CCSER1: variants seen among roughly 807,000 people sequenced by gnomAD.
CCSER1 encodes the protein serine-rich coiled-coil domain-containing protein 1.
In CCSER1, 41 loss-of-function variants were observed where a neutral mutation model predicts 82.0. The ratio of observed to expected loss-of-function variants is 0.50; its 90% CI spans 0.39 to 0.65. The LOEUF is 0.65. Ranked by LOEUF, CCSER1 falls within the 30% of genes least tolerant of loss-of-function variation. CCSER1 has a pLI of 0.00. For synonymous variants in CCSER1, 414 were observed against 383.9 expected (o/e 1.08, Z -0.92); for missense variants, 1,119 against 1,064.2 (o/e 1.05, Z -0.72).
In CCSER1 at chr4:90,777,248, T is replaced by C. The variant is rs35847493; in HGVS notation, c.2011-38514T>C. Among the ~76,000 whole-genome samples the C allele has an allele frequency of 1.2e-3, 170 of 146,710 alleles. 1 individual carries two copies. Among genetic ancestry groups the C allele is most frequent in the Non-Finnish European group, 2.1e-3 (143 of 67,472 alleles). The stretch of plus-strand genomic sequence containing the variant: ...GGTGGGCGCCTGTAATCCCAGCTAC[T>C]TGGGGGGCTGAGGCAGGAGAATCGC... On this transcript the variant is annotated intron_variant, in intron 7 of 10. Transcript: ENST00000509176.
chr4:91,523,573 G>T (rs1478423538), intron 10 of CCSER1, among the ~76,000 whole-genome samples: 8 of 152,048 alleles, frequency 5.3e-5, no homozygotes, highest in Admixed American at 5.2e-4. Flanking sequence ...GTCTATTCAA[G>T]GATGCAACTT....
chr4:90,596,467 C>G (rs1553955160), intron 5 of CCSER1, among the ~76,000 whole-genome samples: 1 of 151,698 alleles, frequency 6.6e-6, no homozygotes, highest in Non-Finnish European at 1.5e-5. Flanking sequence ...GGCATTTAAG[C>G]TTATTTCTAT....
At chr4:91,122,482 CA>C (rs1727170912) in intron 10 of CCSER1, among the ~76,000 whole-genome samples, 2 of 151,552 alleles carry the variant, frequency 1.3e-5, no homozygotes, top group Admixed American at 1.3e-4. Flanking sequence ...AAACTATATG[CA>C]AATATCAAAC....
chr4:90,673,977 A>C (rs1733307134), intron 6 of CCSER1, among the ~76,000 whole-genome samples: 1 of 151,956 alleles, frequency 6.6e-6, no homozygotes, highest in Admixed American at 6.6e-5. Context: ...TTTTTGAGTT[A>C]GGTCCTACCT....
At chr4:90,648,128 G>A (rs1275125163) in intron 6 of CCSER1, among the ~76,000 whole-genome samples, 2 of 151,772 alleles carry the variant, frequency 1.3e-5, no homozygotes, top group Non-Finnish European at 2.9e-5. Context: ...GCTCCTTACC[G>A]TAGTTATAGA....
intron 5 of CCSER1, among the ~76,000 whole-genome samples, chr4:90,592,185 G>C (rs1305897728): frequency 2.0e-5 from 3 of 151,946 alleles, no homozygotes; most frequent in Non-Finnish European, 4.4e-5. Context: ...ATATATCCCA[G>C]TATTTAAAGT....
intron 7 of CCSER1, among the ~76,000 whole-genome samples, chr4:90,795,179 C>A (rs112631850): frequency 1.1e-4 from 16 of 151,138 alleles, no homozygotes; most frequent in African/African-American, 3.6e-4. Context: ...CCCAACTACT[C>A]GGGAGACTGA....
At chr4:91,133,997 G>T (rs1728235196) in intron 10 of CCSER1, among the ~76,000 whole-genome samples, 1 of 152,170 alleles carries the variant, frequency 6.6e-6, no homozygotes. Flanking sequence ...TACTCTGGAG[G>T]CTGGGGCAGA....
chr4:91,195,890 A>AGCAGAGATTG, intron 10 of CCSER1, among the ~76,000 whole-genome samples: 24 of 151,416 alleles, frequency 1.6e-4, no homozygotes, highest in African/African-American at 5.3e-4. Context: ...ACTCTTCATG[A>AGCAGAGATTG]CTCCACCTTG....
intron 1 of CCSER1, among the ~76,000 whole-genome samples, chr4:90,296,919 G>A (rs1038056201): frequency 2.6e-5 from 4 of 152,158 alleles, no homozygotes; most frequent in Non-Finnish European, 5.9e-5. Context: ...TTTGAAGTCA[G>A]GTAGCGTGAT....
chr4:91,601,453 G>T lies in CCSER1; in HGVS notation c.*2396G>T. 6.6e-6 allele frequency: 1 copy of T among 151,900 alleles called. No homozygotes were observed. Among genetic ancestry groups the T allele is most frequent in the East Asian group, 1.9e-4 (1 of 5,182 alleles). The allele number at this position is 151,900 out of a possible 1,614,324, so 9.4% of individuals were successfully genotyped here. On this transcript the variant is annotated 3_prime_UTR_variant, in exon 11 of 11. Coordinates refer to ENST00000509176, the MANE Select transcript of CCSER1 (RefSeq NM_001145065.2). ...TAACTCAGGCCTGGAGAAGGTGTAA[G>T]CCCACTATGCTAATGTACATCAGTA...
At position 90,437,852 on chromosome 4, in the gene CCSER1, A is replaced by G. The variant is rs1759260435; in HGVS notation, c.1604-30382A>G. ...TAGTATACATGAAATGATCCTTGAG[A>G]ACTGAATAGCCAGAGGTGATTTCAT... On this transcript the variant is annotated intron_variant, in intron 4 of 10. Transcript: ENST00000509176. Among the ~76,000 whole-genome samples, 6 of 152,146 alleles carry G rather than the reference A, an allele frequency of 3.9e-5. No homozygotes were observed. In the South Asian group the frequency reaches 1.2e-3, roughly 32 times the overall value.
chr4:90,900,518 C>G (rs765236247), intron 8 of CCSER1, among the ~76,000 whole-genome samples: 1 of 151,832 alleles, frequency 6.6e-6, no homozygotes. Context: ...TTTGTTTCAA[C>G]TTTTTAAATT....
At chr4:90,658,279 T>G (rs1336114760) in intron 6 of CCSER1, among the ~76,000 whole-genome samples, 1 of 152,172 alleles carries the variant, frequency 6.6e-6, no homozygotes, top group Non-Finnish European at 1.5e-5. Flanking sequence ...ATTATTAACT[T>G]TCTGCAGAAA....
chr4:90,578,860 AC>A (rs1234695642), intron 5 of CCSER1, among the ~76,000 whole-genome samples: 1 of 152,190 alleles, frequency 6.6e-6, no homozygotes, highest in Non-Finnish European at 1.5e-5. Context: ...GATTGTATCT[AC>A]TTCAGAGGAA....
intron 7 of CCSER1, among the ~76,000 whole-genome samples, chr4:90,755,205 A>G (rs1365531228): frequency 6.6e-6 from 1 of 152,232 alleles, no homozygotes; most frequent in Non-Finnish European, 1.5e-5. Context: ...TCCAAATAAC[A>G]TCAGGATGGT....
intron 1 of CCSER1, among the ~76,000 whole-genome samples, chr4:90,258,890 A>T (rs1723824450): frequency 6.6e-6 from 1 of 152,108 alleles, no homozygotes; most frequent in Non-Finnish European, 1.5e-5. Context: ...ACAGCCTTGT[A>T]GTATAATTTG....
intron 10 of CCSER1, among the ~76,000 whole-genome samples, chr4:91,464,231 G>A (rs1756712273): frequency 6.6e-6 from 1 of 152,180 alleles, no homozygotes; most frequent in Non-Finnish European, 1.5e-5. Flanking sequence ...TTTCAAACCA[G>A]AATTTCATAT....
At position 90,308,491 on chromosome 4, in the gene CCSER1, C is replaced by T. The variant is rs781443745; in HGVS notation, c.207C>T (p.Ser69=). 1.9e-6 allele frequency: 3 copies of T among 1,613,888 alleles called. No homozygotes were observed. The highest frequency in any genetic ancestry group is 1.7e-6 in the Non-Finnish European group (2 of 1,179,834). The change falls in exon 2 of 11, where the codon AGC becomes AGT. Residue 69 remains serine (S), a synonymous_variant. Coordinates refer to ENST00000509176, the MANE Select transcript of CCSER1 (RefSeq NM_001145065.2). ...GCATATTCCGTACTCCTTCCATTAG[C>T]TTCCACCATAAGAAGGGGAGTGAGC... ...RRSIFRTPSI[S]FHHKKGSEPK...
Sources: gnomAD v4.1 joint callset for allele counts (sites outside exome capture counted in the v4.1 genomes callset) on GRCh38, gnomAD v4.1.1 for gene constraint, MANE v1.5 for transcripts, NCBI Gene and HGNC (gene_info 2026-07-23, HGNC 2026-07-21) for gene names.